THADA: variants seen among roughly 807,000 people sequenced by gnomAD.
The protein encoded by THADA is tRNA (32-2'-O)-methyltransferase regulator THADA.
Under a neutral mutation model 219.8 loss-of-function variants are expected in THADA, and 213 were observed. That is an observed-to-expected ratio of 0.97 (90% CI 0.87 to 1.09). The LOEUF is 1.09. Ranked by LOEUF, THADA falls within the 50% of genes least tolerant of loss-of-function variation. The pLI is 0.00. For synonymous variants in THADA, 1,018 were observed against 828.9 expected (o/e 1.23, Z -3.92); for missense variants, 2,956 against 2,311.3 (o/e 1.28, Z -5.72).
At chr2:43,468,457 A>AT in intron 26 of THADA, among the ~76,000 whole-genome samples, 1 of 152,288 alleles carries the variant, frequency 6.6e-6, no homozygotes, top group Admixed American at 6.5e-5. Context: ...AAAATTAAAT[A>AT]TTTTTTAAAG....
At chr2:43,383,954 A>C (rs1672332283) in intron 29 of THADA, among the ~76,000 whole-genome samples, 1 of 152,226 alleles carries the variant, frequency 6.6e-6, no homozygotes, top group African/African-American at 2.4e-5. Flanking sequence ...CTGAAATTTT[A>C]GATGTTTTTA....
chr2:43,232,490 C>G (rs1455790410), intron 37 of THADA, among the ~76,000 whole-genome samples: 1 of 152,200 alleles, frequency 6.6e-6, no homozygotes, highest in Non-Finnish European at 1.5e-5. Flanking sequence ...GGGCTTCTTT[C>G]CGAGTTCTCT....
intron 36 of THADA, among the ~76,000 whole-genome samples, chr2:43,235,073 G>A (rs901817466): frequency 5.5e-4 from 84 of 151,518 alleles, no homozygotes; most frequent in Middle Eastern, 3.4e-3. Flanking sequence ...TCCACCTCCC[G>A]GGTTCAAGCG....
intron 14 of THADA, among the ~76,000 whole-genome samples, chr2:43,569,552 C>T (rs1699068297): frequency 6.6e-6 from 1 of 152,172 alleles, no homozygotes; most frequent in African/African-American, 2.4e-5. Context: ...AAGGTCGAAG[C>T]TAATTTTACC....
rs576932469 is a variant in THADA, at chr2:43,353,777, T to G, written c.4228-9540A>C. ...TTCAAGTGATTCTACTGCCTCAGCC[T>G]CCCAAGTAGCTGGGACTACAGGCAT... On this transcript the variant is annotated intron_variant, in intron 29 of 37. Transcript: ENST00000405975. Among the ~76,000 whole-genome samples the G allele has an allele frequency of 2.2e-3, 334 of 151,970 alleles. 2 individuals carry two copies. Among genetic ancestry groups the G allele is most frequent in the Non-Finnish European group, 4.0e-3 (271 of 67,982 alleles).
chr2:43,426,405 C>A (rs1678428456), intron 28 of THADA, among the ~76,000 whole-genome samples: 1 of 152,216 alleles, frequency 6.6e-6, no homozygotes, highest in South Asian at 2.1e-4. Flanking sequence ...AACTGCAATT[C>A]TGTGCACATG....
intron 24 of THADA, among the ~76,000 whole-genome samples, chr2:43,503,729 T>C (rs993724144): frequency 2.0e-5 from 3 of 152,024 alleles, no homozygotes; most frequent in African/African-American, 7.2e-5. Context: ...GAAAGCAAAT[T>C]ATCAACTAAA....
At chr2:43,399,539 G>A (rs1253588036) in intron 28 of THADA, among the ~76,000 whole-genome samples, 1 of 152,172 alleles carries the variant, frequency 6.6e-6, no homozygotes, top group Admixed American at 6.5e-5. Context: ...GGAGGCAGGG[G>A]AAGAGGAAAA....
Position 43,508,650 on chromosome 2 carries a change from G to A in THADA, c.3505C>T (p.Gln1169Ter). ...GCTAGGGTCCTACAGATAAATACCT[G>A]TATGTAGAAAGGAATTCCAGCACTG... ...RRSAGIPFYI[Q>*]ALLASEPKKG... Residue 1169 changes from glutamine (Q) to a stop codon, truncating the protein, a stop_gained and splice_region_variant, in exon 23 of 38, where the codon CAG becomes TAG. Coordinates refer to ENST00000405975, the MANE Select transcript of THADA (RefSeq NM_022065.5). LOFTEE classifies it high-confidence loss of function. 1 of 1,612,846 alleles carries A rather than the reference G, an allele frequency of 6.2e-7. No individual in the cohort carries two copies. The highest frequency in any genetic ancestry group is 2.2e-5 in the East Asian group (1 of 44,844).
chr2:43,541,140 G>T lies in THADA; in HGVS notation c.3264+19C>A, dbSNP rs780561287. The T allele has an allele frequency of 6.6e-7, 1 of 1,506,944 alleles. No homozygotes were observed. The highest frequency in any genetic ancestry group is 1.4e-5 in the African/African-American group (1 of 69,248). The allele number at this position is 1,506,944 out of a possible 1,614,324, so 93.3% of individuals were successfully genotyped here. ...CGTTGACCAGAAATTATACATGGTG[G>T]AATAAACATGTGCCTTACCTGCTCC... is the stretch of plus-strand genomic sequence containing the variant. On this transcript the variant is annotated intron_variant, in intron 21 of 37. Transcript: ENST00000405975.
intron 30 of THADA, among the ~76,000 whole-genome samples, chr2:43,335,797 T>TTA (rs1666348161): frequency 8.1e-6 from 1 of 123,548 alleles, no homozygotes. Context: ...GTCTCTACTT[T>TTA]AAAAAAAAAA....
At chr2:43,504,943 G>C (rs1190444726) in intron 24 of THADA, among the ~76,000 whole-genome samples, 3 of 152,174 alleles carry the variant, frequency 2.0e-5, no homozygotes, top group African/African-American at 4.8e-5. Context: ...AGGAAGTCCA[G>C]ACTATAACGT....
At chr2:43,566,540 A>T in intron 15 of THADA, 158 bp downstream of exon 15, 1 of 837,860 alleles carries the variant, frequency 1.2e-6, no homozygotes, top group Non-Finnish European at 2.0e-6. Context: ...TCTGTCCTTT[A>T]CTAGCAAATT....
chr2:43,454,007 T>C lies in THADA; in HGVS notation c.3837-23705A>G, dbSNP rs113930039. Among the ~76,000 whole-genome samples, 38 of 152,262 alleles carry C rather than the reference T, an allele frequency of 2.5e-4. 1 individual carries two copies. The highest frequency in any genetic ancestry group is 8.9e-4 in the African/African-American group (37 of 41,558). ...GATCCTTCTGGCTCAACCTTCCAAG[T>C]AGCTAGGACTACAGGCATGCACTAC... is the stretch of plus-strand genomic sequence containing the variant. On this transcript the variant is annotated intron_variant, in intron 26 of 37. Transcript: ENST00000405975.
chr2:43,397,148 A>T (rs1294817053), intron 29 of THADA, among the ~76,000 whole-genome samples: 1 of 152,146 alleles, frequency 6.6e-6, no homozygotes, highest in Non-Finnish European at 1.5e-5. Context: ...TCACCTTGTT[A>T]ATCACTCCAC....
intron 31 of THADA, among the ~76,000 whole-genome samples, chr2:43,308,604 G>C (rs902093515): frequency 7.9e-5 from 12 of 151,774 alleles, no homozygotes; most frequent in African/African-American, 2.7e-4. Context: ...CGGGAGGCTG[G>C]GGTTGGAGGA....
At chr2:43,277,276 C>G (rs886447271) in intron 36 of THADA, 1 of 152,646 alleles carries the variant, frequency 6.6e-6, no homozygotes, top group Non-Finnish European at 1.5e-5. Flanking sequence ...CAAGCAAGTG[C>G]CCCTGCCTTG....
chr2:43,342,263 A>G (rs1667144980), intron 30 of THADA, among the ~76,000 whole-genome samples: 1 of 152,184 alleles, frequency 6.6e-6, no homozygotes, highest in South Asian at 2.1e-4. Context: ...GGCTCCCAAT[A>G]ACTTTACCGG....
intron 29 of THADA, among the ~76,000 whole-genome samples, chr2:43,355,348 CCA>C (rs1468706843): frequency 6.6e-6 from 1 of 152,176 alleles, no homozygotes; most frequent in African/African-American, 2.4e-5. Flanking sequence ...TACATTCCCA[CCA>C]ACAGTGTACA....
Sources: gnomAD v4.1 joint callset for allele counts (sites outside exome capture counted in the v4.1 genomes callset) on GRCh38, gnomAD v4.1.1 for gene constraint, MANE v1.5 for transcripts, NCBI Gene and HGNC (gene_info 2026-07-23, HGNC 2026-07-21) for gene names.